The following PARP10 variants were observed in gnomAD, a reference collection of about 807,000 sequenced individuals.
The protein encoded by PARP10 is poly(ADP-ribose) polymerase family member 10.
Under a neutral mutation model 82.4 loss-of-function variants are expected in PARP10, and 56 were observed. That is an observed-to-expected ratio of 0.68 (90% confidence interval 0.55 to 0.85). The LOEUF is 0.85. PARP10 is among the 40% of genes least tolerant of loss of function. The probability of loss-of-function intolerance (pLI) is 0.00; values close to 1 mark genes in which losing one functional copy is unlikely to be tolerated. For missense variants in PARP10, 1,227 were observed against 1,379.4 expected (o/e 0.89, Z 1.75); for synonymous variants, 576 against 601.1 (o/e 0.96, Z 0.61).
upstream of PARP10, among the ~76,000 whole-genome samples, chr8:143,994,317 G>C (rs1554751069): frequency 8.4e-6 from 1 of 119,404 alleles, no homozygotes; most frequent in Admixed American, 7.4e-5. Context: ...CTCCAGGCCA[G>C]AGCAGGGGCT....
rs184134081 is a variant in PARP10 at position 144,005,618 on chromosome 8, C to T, written c.-80+6912G>A. The stretch of plus-strand genomic sequence containing the variant: ...CTCAGCCTACAGACTCCATCCCATG[C>T]TTCTCTGGCCCGGCCGTCCCCTCCC... On this transcript the variant is annotated intron_variant, in intron 1 of 3. Coordinates refer to the PARP10 transcript ENST00000530478. Among the ~76,000 whole-genome samples the T allele has an allele frequency of 3.9e-5, 6 of 152,290 alleles. No individual in the cohort carries two copies. The East Asian group carries it at 1.2e-3, about 29-fold the overall frequency.
chr8:143,977,380 C>G lies in PARP10; in HGVS notation c.*104G>C, dbSNP rs2133022633. 2 of 1,116,676 alleles carry G rather than the reference C, an allele frequency of 1.8e-6. No individual in the cohort carries two copies. Among genetic ancestry groups the G allele is most frequent in the South Asian group, 3.3e-5 (2 of 61,372 alleles). The allele number at this position is 1,116,676 out of a possible 1,614,324, so 69.2% of individuals were successfully genotyped here. A position where few individuals can be genotyped will look rare whatever the true frequency, so the allele number is the denominator to read the frequency against. ...TGGAGCCCGCAGAGGGAGGCAGGGGCGTCCCCGGGGACAGCTCAGGCGGCC... is the reference window on the plus strand; with the variant it reads ...TGGAGCCCGCAGAGGGAGGCAGGGGGGTCCCCGGGGACAGCTCAGGCGGCC... On this transcript the variant is annotated 3_prime_UTR_variant, in exon 11 of 11. Coordinates refer to ENST00000313028, the MANE Select transcript of PARP10 (RefSeq NM_032789.5).
chr8:144,003,827 A>G (rs1020664151), intron 1 of PARP10, among the ~76,000 whole-genome samples: 8 of 151,436 alleles, frequency 5.3e-5, no homozygotes, highest in African/African-American at 7.3e-5. Flanking sequence ...GGAGTTCAAG[A>G]CCAGCCTGGG....
chr8:143,994,302 A>G (rs958868729), upstream of PARP10, among the ~76,000 whole-genome samples: 13 of 145,978 alleles, frequency 8.9e-5, no homozygotes, highest in African/African-American at 3.2e-4. Flanking sequence ...CTGCTCCTGC[A>G]TTATCTCCAG....
upstream of PARP10, chr8:143,991,272 C>A (rs1554750381): frequency 6.5e-7 from 1 of 1,548,632 alleles, no homozygotes; most frequent in Non-Finnish European, 8.8e-7. Context: ...CTATCCTCCC[C>A]CCAACCCTGG....
At chr8:143,990,883 C>G (rs1323117384), upstream of PARP10, 1 of 169,522 alleles carries the variant, frequency 5.9e-6, no homozygotes, top group African/African-American at 2.4e-5. This position sits in a 1 kb window ranked among gnomAD's most constrained non-coding sequence, Gnocchi z 5.6. Flanking sequence ...GAGACGCCGG[C>G]AGCGGCGCAG....
chr8:143,985,611 G>A lies in PARP10; in HGVS notation c.474C>T (p.Gly158=). 1 of 1,613,844 alleles carries A rather than the reference G, an allele frequency of 6.2e-7. No homozygotes were observed. The highest frequency in any genetic ancestry group is 8.5e-7 in the Non-Finnish European group (1 of 1,179,964). The stretch of plus-strand genomic sequence containing the variant: ...CCAGGGACACCAAGGTCCCCTCCAG[G>A]CCCAGATTCTGGGCCTGCTCCTCCA... The part of the protein sequence containing the change: ...RVLEEQAQNL[G]LEGTLVSLAR... Residue 158 remains glycine, a synonymous_variant, in exon 4 of 11, where the codon GGC becomes GGT. Transcript: ENST00000313028.
At chr8:143,996,577 G>C (rs1834166412) in intron 1 of PARP10, among the ~76,000 whole-genome samples, 1 of 152,212 alleles carries the variant, frequency 6.6e-6, no homozygotes. Flanking sequence ...ATCCAGCCTA[G>C]CACCTAGTCC....
At chr8:144,010,356 G>A (rs782399909) in intron 1 of PARP10, among the ~76,000 whole-genome samples, 1 of 152,224 alleles carries the variant, frequency 6.6e-6, no homozygotes, top group African/African-American at 2.4e-5. Context: ...GCCAACATAT[G>A]TTTTCGGATG....
At chr8:143,992,289 C>T (rs1554750675), upstream of PARP10, 1 of 1,592,738 alleles carries the variant, frequency 6.3e-7, no homozygotes, top group Non-Finnish European at 8.6e-7. Flanking sequence ...GGATGATCGC[C>T]AGCTTCTACA....
At chr8:144,004,370 G>C (rs1392805009) in intron 1 of PARP10, among the ~76,000 whole-genome samples, 2 of 152,160 alleles carry the variant, frequency 1.3e-5, no homozygotes, top group Non-Finnish European at 2.9e-5. Context: ...TTGTTTAATG[G>C]GGACAGTTTT....
At chr8:143,989,936 T>C (rs1270576871), upstream of PARP10, 1 of 152,022 alleles carries the variant, frequency 6.6e-6, no homozygotes, top group Non-Finnish European at 1.5e-5. This position sits in a 1 kb window ranked among gnomAD's most constrained non-coding sequence, Gnocchi z 4.3. Context: ...GAGGCGGGCC[T>C]CTGGCCGGAG....
At chr8:143,978,867 CA>C (rs1833783052) in intron 9 of PARP10, among the ~76,000 whole-genome samples, 1 of 152,114 alleles carries the variant, frequency 6.6e-6, no homozygotes, top group Non-Finnish European at 1.5e-5. Context: ...TTCAGATACA[CA>C]AGATCCGTGA....
chr8:143,992,409 G>A (rs369235892), upstream of PARP10: 73 of 1,612,252 alleles, frequency 4.5e-5, no homozygotes, highest in African/African-American at 8.7e-4. Flanking sequence ...GTGGCCGCAG[G>A]GGCTGAGCAG....
chr8:143,982,899 C>T (rs1833894786), intron 9 of PARP10, 33 bp downstream of exon 9: 2 of 1,609,096 alleles, frequency 1.2e-6, no homozygotes, highest in African/African-American at 2.7e-5. Context: ...GCCCAGGACG[C>T]CATGAGGCCA....
chr8:143,998,908 C>G (rs1228192132), intron 1 of PARP10, among the ~76,000 whole-genome samples: 1 of 151,750 alleles, frequency 6.6e-6, no homozygotes, highest in Non-Finnish European at 1.5e-5. Context: ...CATGATCACA[C>G]CTCTGTACTC....
At chr8:144,001,873 CGTGTGTGTGTGTGT>C (rs57117824) in intron 1 of PARP10, among the ~76,000 whole-genome samples, 1 of 136,414 alleles carries the variant, frequency 7.3e-6, no homozygotes, top group Non-Finnish European at 1.6e-5. Flanking sequence ...AATATATATA[CGTGTGTGTGTGTGT>C]GTGTGTGTGT....
chr8:144,008,985 G>T lies in PARP10; in HGVS notation c.-80+3545C>A, dbSNP rs1554752241. On this transcript the variant is annotated intron_variant, in intron 1 of 3. Transcript: ENST00000530478. This position sits in a 1 kb window ranked among gnomAD's most constrained non-coding sequence, Gnocchi z 4.0. ...GCTTAACATTCTGGGGGACCCTGGG[G>T]GTCTTTTGAGGGCCTCTACTGTGCA... 1.3e-5 allele frequency among the ~76,000 whole-genome samples: 2 copies of T among 152,210 alleles called. No homozygotes were observed. Among genetic ancestry groups the T allele is most frequent in the Admixed American group, 6.5e-5 (1 of 15,282 alleles).
intron 9 of PARP10, among the ~76,000 whole-genome samples, chr8:143,979,998 C>T (rs372500943): frequency 2.3e-4 from 22 of 97,726 alleles, no homozygotes; most frequent in African/African-American, 5.9e-4. Context: ...AGTGACAGAG[C>T]GAGACTCCGT....
Sources: allele counts gnomAD v4.1 joint callset (sites outside exome capture counted in the v4.1 genomes callset), GRCh38; gene constraint gnomAD v4.1.1; non-coding constraint Gnocchi (gnomAD v3.1); transcripts MANE v1.5; gene names NCBI Gene and HGNC (gene_info 2026-07-23, HGNC 2026-07-21).